FAM13A: variants seen among roughly 807,000 people sequenced by gnomAD.
FAM13A encodes protein FAM13A.
Under a neutral mutation model 129.6 loss-of-function variants are expected in FAM13A, and 76 were observed. That is an observed-to-expected ratio of 0.59 (90% CI 0.49 to 0.71). The LOEUF (loss-of-function observed/expected upper bound fraction) is 0.71. Among genes scored for constraint, FAM13A ranks in the 30% least tolerant of loss-of-function variants. The pLI is 0.00. For synonymous variants in FAM13A, 443 were observed against 449.9 expected (o/e 0.98, Z 0.20); for missense variants, 1,108 against 1,249.3 (o/e 0.89, Z 1.70).
At position 88,923,286 on chromosome 4, in the gene FAM13A, C is replaced by T. The variant is rs1377396652; in HGVS notation, c.759+14802G>A. ...TTAGACCAATATCCTTGATGAACAT[C>T]AATGCAAAAATCCTCAATAAAATAC... On this transcript the variant is annotated intron_variant, in intron 5 of 23. Coordinates refer to ENST00000264344, the MANE Select transcript of FAM13A (RefSeq NM_014883.4). 7.2e-5 allele frequency among the ~76,000 whole-genome samples: 11 copies of T among 152,284 alleles called. No individual in the cohort carries two copies. In the East Asian group the frequency reaches 9.6e-4, roughly 13 times the overall value.
At chr4:88,733,653 C>A (rs1246588693) in intron 21 of FAM13A, among the ~76,000 whole-genome samples, 1 of 152,318 alleles carries the variant, frequency 6.6e-6, no homozygotes, top group East Asian at 1.9e-4. Flanking sequence ...CTGACCAACT[C>A]AGTGAAGGCA....
At chr4:88,796,258 C>T (rs1726155726) in intron 8 of FAM13A, among the ~76,000 whole-genome samples, 1 of 151,790 alleles carries the variant, frequency 6.6e-6, no homozygotes, top group Non-Finnish European at 1.5e-5. Flanking sequence ...TGAGTTATCC[C>T]CTTCCTCCTG....
rs1738452918 is a variant in FAM13A, at chr4:88,734,064, G to C, written c.2647-1866C>G. On this transcript the variant is annotated intron_variant, in intron 21 of 23. Coordinates refer to ENST00000264344, the MANE Select transcript of FAM13A (RefSeq NM_014883.4). ...ACCATCATAAGTGTTGTAGATACTGGGTAGATTCTAGAAGGAATTAATACA... is the reference window on the plus strand; with the variant it reads ...ACCATCATAAGTGTTGTAGATACTGCGTAGATTCTAGAAGGAATTAATACA... Among the ~76,000 whole-genome samples the C allele has an allele frequency of 2.6e-5, 4 of 152,160 alleles. No individual in the cohort carries two copies. The South Asian group carries it at 8.3e-4, about 31-fold the overall frequency.
At chr4:88,935,381 T>C (rs1456495090) in intron 5 of FAM13A, among the ~76,000 whole-genome samples, 1 of 152,214 alleles carries the variant, frequency 6.6e-6, no homozygotes, top group Admixed American at 6.5e-5. Flanking sequence ...TCAGTGTTTA[T>C]GTTTAGTCCT....
chr4:89,007,459 A>G (rs1192039491), intron 3 of FAM13A, among the ~76,000 whole-genome samples: 1 of 152,174 alleles, frequency 6.6e-6, no homozygotes, highest in Non-Finnish European at 1.5e-5. Flanking sequence ...CCTTGGAAAA[A>G]GATCCTCGAG....
intron 7 of FAM13A, among the ~76,000 whole-genome samples, chr4:88,841,978 T>C (rs922190045): frequency 6.6e-6 from 1 of 152,194 alleles, no homozygotes; most frequent in African/African-American, 2.4e-5. Context: ...TTATTCATAA[T>C]AGCCAAAAAG....
chr4:88,829,175 G>C (rs1039260581), intron 7 of FAM13A, among the ~76,000 whole-genome samples: 14 of 152,208 alleles, frequency 9.2e-5, no homozygotes, highest in African/African-American at 3.4e-4. Flanking sequence ...AATCAGATAG[G>C]TTTATTTCCT....
At chr4:88,752,896 G>C (rs1742914805) in intron 14 of FAM13A, among the ~76,000 whole-genome samples, 1 of 152,230 alleles carries the variant, frequency 6.6e-6, no homozygotes, top group Non-Finnish European at 1.5e-5. Context: ...AAAGGGTTAA[G>C]ATGGCTTGAA....
intron 19 of FAM13A, among the ~76,000 whole-genome samples, chr4:88,739,786 C>CCAAA (rs1739830672): frequency 1.5e-5 from 1 of 67,930 alleles, no homozygotes; most frequent in Admixed American, 1.7e-4. Flanking sequence ...GACTCTGTCT[C>CCAAA]AAAAAAAAAA....
intron 3 of FAM13A, among the ~76,000 whole-genome samples, chr4:88,995,898 T>TA (rs1763479183): frequency 6.6e-6 from 1 of 152,156 alleles, no homozygotes; most frequent in African/African-American, 2.4e-5. Context: ...TGTGAAGTGG[T>TA]AACATACATG....
intron 4 of FAM13A, among the ~76,000 whole-genome samples, chr4:88,942,573 T>A (rs1175199073): frequency 2.1e-5 from 3 of 143,996 alleles, no homozygotes; most frequent in Non-Finnish European, 4.6e-5. Flanking sequence ...TCTCAAAAAA[T>A]AAATAAATAA....
intron 4 of FAM13A, among the ~76,000 whole-genome samples, chr4:88,959,353 T>C (rs1209785617): frequency 6.6e-6 from 1 of 152,054 alleles, no homozygotes; most frequent in Non-Finnish European, 1.5e-5. Context: ...TGGTGGGAAG[T>C]GTTTGATCAT....
chr4:89,052,863 C>T (rs1320527282), intron 1 of FAM13A, among the ~76,000 whole-genome samples: 2 of 152,104 alleles, frequency 1.3e-5, no homozygotes, highest in Admixed American at 1.3e-4. Flanking sequence ...GTACAAAGAA[C>T]CATATGCCAG....
intron 5 of FAM13A, chr4:88,937,408 G>A (rs996563882): frequency 6.6e-5 from 10 of 152,202 alleles, no homozygotes; most frequent in South Asian, 4.2e-4. Context: ...AAATGACGAC[G>A]AAATAAGATA....
At chr4:88,956,574 T>C (rs2704590) in intron 4 of FAM13A, among the ~76,000 whole-genome samples, 4,221 of 152,354 alleles carry the variant, frequency 0.028, 83 homozygotes, top group Non-Finnish European at 0.045. Context: ...ACTAGATTTC[T>C]ATTACTGATA....
chr4:88,929,632 T>C (rs1752738220), intron 5 of FAM13A, among the ~76,000 whole-genome samples: 1 of 152,196 alleles, frequency 6.6e-6, no homozygotes, highest in Non-Finnish European at 1.5e-5. Flanking sequence ...AAAAGACCTG[T>C]CTTCAAGTTC....
chr4:88,895,402 A>T (rs1311589727), intron 6 of FAM13A, among the ~76,000 whole-genome samples: 3 of 151,946 alleles, frequency 2.0e-5, no homozygotes, highest in African/African-American at 7.2e-5. Context: ...TGGCAACAAA[A>T]GACAAAATTG....
At chr4:88,795,587 A>G (rs1271975424) in intron 8 of FAM13A, among the ~76,000 whole-genome samples, 1 of 151,850 alleles carries the variant, frequency 6.6e-6, no homozygotes, top group East Asian at 1.9e-4. Context: ...AGAAAATTGA[A>G]GAGCAGAGAA....
At chr4:88,810,874 C>G (rs1729541385) in intron 7 of FAM13A, among the ~76,000 whole-genome samples, 1 of 152,020 alleles carries the variant, frequency 6.6e-6, no homozygotes, top group Admixed American at 6.6e-5. Flanking sequence ...AAAAATTATT[C>G]TTAGTTTGCT....
Sources: gnomAD v4.1 joint callset for allele counts (sites outside exome capture counted in the v4.1 genomes callset) on GRCh38, gnomAD v4.1.1 for gene constraint, MANE v1.5 for transcripts, NCBI Gene and HGNC (gene_info 2026-07-23, HGNC 2026-07-21) for gene names.